The following ZNF783 variants were observed in gnomAD, a reference collection of about 807,000 sequenced individuals.
ZNF783 encodes protein ZNF783.
Under a neutral mutation model 31.3 loss-of-function variants are expected in ZNF783, and 25 were observed. The ratio of observed to expected loss-of-function variants is 0.80; its 90% CI spans 0.58 to 1.11. ZNF783 has a LOEUF of 1.11. Ranked by LOEUF, ZNF783 falls within the 50% of genes most tolerant of loss-of-function variation. The probability of loss-of-function intolerance (pLI) is 0.00; values close to 1 mark genes in which losing one functional copy is unlikely to be tolerated. For missense variants in ZNF783, 797 were observed against 760.0 expected (o/e 1.05, Z -0.57); for synonymous variants, 369 against 319.1 (o/e 1.16, Z -1.66).
In ZNF783 at chr7:149,271,664, A is replaced by C. The variant is rs35683416; in HGVS notation, c.673+4442A>C. 8.5e-5 allele frequency among the ~76,000 whole-genome samples: 13 copies of C among 152,292 alleles called. 1 individual carries two copies. The South Asian group carries it at 1.4e-3, about 17-fold the overall frequency. On this transcript the variant is annotated intron_variant, in intron 4 of 5. Transcript: ENST00000434415. ...ATTTTATGTTTGCGAAGTCAAAATG[A>C]TTTAACAGGGTAGATTCAAGGAAGT...
At chr7:149,274,210 T>G (rs1312163309) in intron 4 of ZNF783, among the ~76,000 whole-genome samples, 1 of 152,182 alleles carries the variant, frequency 6.6e-6, no homozygotes, top group Non-Finnish European at 1.5e-5. Context: ...AGGTCTTATA[T>G]TTAAGTTTTT....
intron 4 of ZNF783, among the ~76,000 whole-genome samples, chr7:149,273,272 G>A (rs1023987739): frequency 1.4e-4 from 21 of 152,136 alleles, no homozygotes; most frequent in African/African-American, 4.3e-4. Context: ...ACTTAGCAGT[G>A]GGGTTTCTGG....
intron 1 of ZNF783, among the ~76,000 whole-genome samples, chr7:149,263,222 C>T (rs1317143705): frequency 6.6e-6 from 1 of 151,110 alleles, no homozygotes; most frequent in African/African-American, 2.4e-5. Flanking sequence ...CTACCGCGCC[C>T]GGCCATTTTA....
chr7:149,270,428 G>A (rs1563195999), intron 4 of ZNF783, among the ~76,000 whole-genome samples: 1 of 152,204 alleles, frequency 6.6e-6, no homozygotes, highest in Non-Finnish European at 1.5e-5. Flanking sequence ...CTGAGATTCA[G>A]TCTGCACTGA....
rs144143138 is a variant in ZNF783 at position 149,263,760 on chromosome 7, C to G, written c.24+1403C>G. On this transcript the variant is annotated intron_variant, in intron 1 of 5. Transcript: ENST00000434415. ...GCTTGTAAAGGCTCAATAGATGATA[C>G]CTACTATTATTAATACACCTCAGTG... 2.6e-5 allele frequency among the ~76,000 whole-genome samples: 4 copies of G among 152,178 alleles called. No individual in the cohort carries two copies. In the East Asian group the frequency reaches 7.7e-4, roughly 29 times the overall value.
chr7:149,277,399 C>G (rs984377791), intron 4 of ZNF783: 4 of 152,136 alleles, frequency 2.6e-5, no homozygotes, highest in African/African-American at 4.8e-5. Context: ...TCACTGTCAG[C>G]CTTTTGCTCA....
chr7:149,282,289 C>A lies in ZNF783; in HGVS notation c.1587C>A (p.Pro529=), dbSNP rs914735208. Residue 529 remains proline, a synonymous_variant, in exon 6 of 6, where the codon CCC becomes CCA. Coordinates refer to ENST00000434415, the MANE Select transcript of ZNF783 (RefSeq NM_001195220.2). The stretch of plus-strand genomic sequence containing the variant: ...TGGGCCCACACTTCCCTGCCGCCCC[C>A]GCCCGCCACGGGAGCCTGCCCCTGC... ...GQVGPHFPAA[P]ARHGSLPLPW... 1.3e-5 allele frequency: 20 copies of A among 1,569,404 alleles called. No individual in the cohort carries two copies. The African/African-American group carries it at 2.7e-4, about 21-fold the overall frequency.
chr7:149,276,371 C>A, intron 4 of ZNF783: 1 of 989,030 alleles, frequency 1.0e-6, no homozygotes, highest in Non-Finnish European at 1.2e-6. Flanking sequence ...AAAGATGAAA[C>A]TTCAGAGGAT....
intron 4 of ZNF783, among the ~76,000 whole-genome samples, chr7:149,270,663 T>C (rs958328834): frequency 1.3e-5 from 2 of 152,248 alleles, no homozygotes; most frequent in African/African-American, 4.8e-5. Flanking sequence ...GGAGCCTCTT[T>C]TTTAAGTTGG....
At chr7:149,267,289 C>A in intron 4 of ZNF783, 67 bp downstream of exon 4, 2 of 1,516,510 alleles carry the variant, frequency 1.3e-6, no homozygotes, top group South Asian at 1.3e-5. Context: ...CCTACCCTCT[C>A]GGGCTTCCCA....
chr7:149,281,890 G>T lies in ZNF783; in HGVS notation c.1188G>T (p.Pro396=). 6.6e-7 allele frequency: 1 copy of T among 1,510,786 alleles called. No individual in the cohort carries two copies. Among genetic ancestry groups the T allele is most frequent in the Non-Finnish European group, 8.8e-7 (1 of 1,135,928 alleles). 93.6% of individuals were successfully genotyped at this position (1,510,786 alleles called of 1,614,324 possible). Residue 396 remains proline, a synonymous_variant, in exon 6 of 6, where the codon CCG becomes CCT. Coordinates refer to ENST00000434415, the MANE Select transcript of ZNF783 (RefSeq NM_001195220.2). The part of the protein sequence containing the change: ...SCGDSQAMLE[P]GEVVVPGPVI... The stretch of plus-strand genomic sequence containing the variant: ...GGGACAGCCAGGCCATGCTGGAGCC[G>T]GGGGAGGTGGTGGTACCCGGCCCTG...
intron 5 of ZNF783, among the ~76,000 whole-genome samples, chr7:149,280,712 TAG>T (rs140208833): frequency 0.063 from 9,558 of 152,318 alleles, 410 homozygotes; most frequent in Middle Eastern, 0.17. Context: ...TCCCTCTGCC[TAG>T]AGTCTGTGCT....
At chr7:149,269,062 CA>C (rs1437922305) in intron 4 of ZNF783, among the ~76,000 whole-genome samples, 1 of 152,230 alleles carries the variant, frequency 6.6e-6, no homozygotes, top group African/African-American at 2.4e-5. Context: ...ACATTCCCAT[CA>C]ACAGTGTATA....
chr7:149,276,514 G>A (rs1410987684), intron 4 of ZNF783: 1 of 985,468 alleles, frequency 1.0e-6, no homozygotes, highest in Non-Finnish European at 1.2e-6. Context: ...CGGTAGCAGT[G>A]TTAGCAGGCA....
rs950494246 is a variant in ZNF783, at chr7:149,281,846, C to T, written c.1144C>T (p.Arg382Cys). 2.0e-6 allele frequency: 3 copies of T among 1,496,402 alleles called. No individual in the cohort carries two copies. The highest frequency in any genetic ancestry group is 2.2e-5 in the Admixed American group (1 of 44,562). The allele number at this position is 1,496,402 out of a possible 1,614,324, so 92.7% of individuals were successfully genotyped here. A position where few individuals can be genotyped will look rare whatever the true frequency, so the allele number is the denominator to read the frequency against. ...VEEGRQEAPGRSPTSCGDSQA... is the reference protein window; with the variant it reads ...VEEGRQEAPGCSPTSCGDSQA... ...GGAGGGGCGGCAGGAGGCCCCCGGC[C>T]GCTCGCCCACCAGCTGCGGGGACAG... Residue 382 changes from arginine to cysteine, a missense_variant, in exon 6 of 6, where the codon CGC becomes TGC. Transcript: ENST00000434415.
rs10701540 is a variant in ZNF783 at position 149,276,653 on chromosome 7, TTTTATTTA to T, written c.674-1718_674-1711del. 4.4e-4 allele frequency: 335 copies of T among 757,682 alleles called. 1 individual carries two copies. The highest frequency in any genetic ancestry group is 1.2e-3 in the Admixed American group (18 of 14,480). The allele number at this position is 757,682 out of a possible 1,614,324, so 46.9% of individuals were successfully genotyped here. On this transcript the variant is annotated intron_variant, in intron 4 of 5. Transcript: ENST00000434415. ...TGGACAGGACCCCACTTGGGTTACTTTTTATTTATTTATTTATTTATTTATTTATTTAT... is the reference window on the plus strand; with the variant it reads ...TGGACAGGACCCCACTTGGGTTACTTTTTATTTATTTATTTATTTATTTAT...
chr7:149,281,774 T>A lies in ZNF783; in HGVS notation c.1072T>A (p.Phe358Ile). The change falls in exon 6 of 6, where the codon TTC (phenylalanine) becomes ATC (isoleucine). Residue 358 changes from phenylalanine to isoleucine, a missense_variant. Phe to Ile is a conservative substitution (Grantham distance 21). Coordinates refer to ENST00000434415, the MANE Select transcript of ZNF783 (RefSeq NM_001195220.2). ...CCCCTGCCCCGACTGCGGGCAGAGC[T>A]TCCGCCTGAAGATCAATCTGACGAT... Reference protein sequence around the residue: ...AFPCPDCGQSFRLKINLTIHQ... With the variant: ...AFPCPDCGQSIRLKINLTIHQ... The A allele has an allele frequency of 6.6e-7, 1 of 1,509,584 alleles. No individual in the cohort carries two copies. Among genetic ancestry groups the A allele is most frequent in the Non-Finnish European group, 8.8e-7 (1 of 1,138,064 alleles). The allele number at this position is 1,509,584 out of a possible 1,614,324, so 93.5% of individuals were successfully genotyped here.
intron 4 of ZNF783, among the ~76,000 whole-genome samples, chr7:149,269,880 C>G (rs1385474542): frequency 7.1e-6 from 1 of 140,720 alleles, no homozygotes; most frequent in Non-Finnish European, 1.5e-5. Flanking sequence ...TCCATGTGTT[C>G]TCATTGTTCA....
Position 149,282,309 on chromosome 7 carries a change from C to A in ZNF783, c.1607C>A (p.Pro536His). 6.4e-7 allele frequency: 1 copy of A among 1,560,308 alleles called. No individual in the cohort carries two copies. The highest frequency in any genetic ancestry group is 8.6e-7 in the Non-Finnish European group (1 of 1,161,160). Residue 536 changes from proline to histidine, a missense_variant, in exon 6 of 6, where the codon CCC becomes CAC. Coordinates refer to ENST00000434415, the MANE Select transcript of ZNF783 (RefSeq NM_001195220.2). Reference protein sequence around the residue: ...PAAPARHGSLPLPWPSRKEEG With the variant: ...PAAPARHGSLHLPWPSRKEEG ...GCCCCCGCCCGCCACGGGAGCCTGC[C>A]CCTGCCCTGGCCCAGCCGGAAGGAG...
Sources: gnomAD v4.1 joint callset for allele counts (sites outside exome capture counted in the v4.1 genomes callset) on GRCh38, gnomAD v4.1.1 for gene constraint, MANE v1.5 for transcripts, NCBI Gene and HGNC (gene_info 2026-07-23, HGNC 2026-07-21) for gene names.